Variants in RNF19A observed in about 807,000 individuals in gnomAD.
The protein encoded by RNF19A is E3 ubiquitin-protein ligase RNF19A.
In RNF19A, 32 loss-of-function variants were observed where a neutral mutation model predicts 75.7. The observed-to-expected ratio is 0.42, with a 90% CI of 0.32 to 0.57. The LOEUF (loss-of-function observed/expected upper bound fraction) is 0.57. Ranked by LOEUF, RNF19A falls within the 20% of genes least tolerant of loss-of-function variation. RNF19A has a pLI of 0.10. For synonymous variants in RNF19A, 335 were observed against 345.2 expected (o/e 0.97, Z 0.33); for missense variants, 782 against 1,036.3 (o/e 0.75, Z 3.37).
At chr8:100,309,966 C>A (rs1025746894), upstream of RNF19A, 16 of 985,266 alleles carry the variant, frequency 1.6e-5, no homozygotes, top group Non-Finnish European at 1.8e-5. Context: ...GGGAGGGTCC[C>A]TCCGATGCGC....
intron 3 of RNF19A, 73 bp downstream of exon 3, chr8:100,274,880 C>A (rs1820427237): frequency 8.2e-7 from 1 of 1,224,974 alleles, no homozygotes; most frequent in East Asian, 2.5e-5. Context: ...AACAGGAATA[C>A]TTAACTTTAA....
At chr8:100,310,156 C>G, upstream of RNF19A, 1 of 985,398 alleles carries the variant, frequency 1.0e-6, no homozygotes, top group South Asian at 4.7e-5. Context: ...TTCTTCCTCC[C>G]GCCCCCGGCC....
intron 3 of RNF19A, 41 bp from the exon 4 acceptor site, chr8:100,270,054 G>A: frequency 6.9e-7 from 1 of 1,443,722 alleles, no homozygotes; most frequent in Non-Finnish European, 9.2e-7. Flanking sequence ...ACATAAAACT[G>A]GTCTAAAAAT....
chr8:100,310,055 G>C, upstream of RNF19A: 1 of 985,590 alleles, frequency 1.0e-6, no homozygotes, highest in Non-Finnish European at 1.2e-6. Context: ...CTCCTCCGCA[G>C]TTGTGGCTCG....
intron 1 of RNF19A, among the ~76,000 whole-genome samples, chr8:100,290,321 C>T (rs562427433): frequency 2.6e-5 from 4 of 152,252 alleles, no homozygotes; most frequent in Admixed American, 6.5e-5. Context: ...AGGCTGGCCT[C>T]GAACTCCTGA....
Position 100,325,648 on chromosome 8 carries a change from G to A in RNF19A, c.-243+10460C>T, listed in dbSNP as rs1822524341. ...ATATCTTGGCCCCATCCCACAGTAG[G>A]GAAGATTGAACACAACTTAACAGAC... On this transcript the variant is annotated intron_variant, in intron 1 of 3. Transcript: ENST00000519527. This position sits in a 1 kb window ranked among gnomAD's most constrained non-coding sequence, Gnocchi z 4.3. 6.6e-6 allele frequency among the ~76,000 whole-genome samples: 1 copy of A among 152,028 alleles called. No homozygotes were observed. Among genetic ancestry groups the A allele is most frequent in the Admixed American group, 6.6e-5 (1 of 15,252 alleles).
At chr8:100,267,302 G>T (rs191383223) in intron 5 of RNF19A, among the ~76,000 whole-genome samples, 1 of 152,006 alleles carries the variant, frequency 6.6e-6, no homozygotes, top group Non-Finnish European at 1.5e-5. Flanking sequence ...CCGAAATATC[G>T]AGGTTGCTGC....
upstream of RNF19A, among the ~76,000 whole-genome samples, chr8:100,311,489 C>T (rs959582690): frequency 6.6e-6 from 1 of 151,882 alleles, no homozygotes; most frequent in Non-Finnish European, 1.5e-5. Context: ...GAGGCCGAGG[C>T]GGGCGGATCA....
At position 100,322,127 on chromosome 8, in the gene RNF19A, C is replaced by A. The variant is rs1369128250; in HGVS notation, c.-242-8755G>T. Among the ~76,000 whole-genome samples, 1 of 152,224 alleles carries A rather than the reference C, an allele frequency of 6.6e-6. No individual in the cohort carries two copies. The highest frequency in any genetic ancestry group is 2.4e-5 in the African/African-American group (1 of 41,456). The stretch of plus-strand genomic sequence containing the variant: ...TAGCCCCTAAGGAGAGAGTCAGCCT[C>A]TCCTTTGAAGCTTTGAAGCCAAGCA... On this transcript the variant is annotated intron_variant, in intron 1 of 3. Transcript: ENST00000519527. The surrounding 1 kb of genome is among the most constrained non-coding windows in gnomAD (Gnocchi z 5.1).
chr8:100,265,732 G>T (rs1202906009), intron 5 of RNF19A, among the ~76,000 whole-genome samples: 3 of 152,198 alleles, frequency 2.0e-5, no homozygotes, highest in African/African-American at 7.2e-5. Context: ...GATGAGTGTT[G>T]TGGAAAACAG....
chr8:100,287,952 T>C lies in RNF19A; in HGVS notation c.223A>G (p.Lys75Glu), dbSNP rs1821104474. 6.2e-7 allele frequency: 1 copy of C among 1,614,078 alleles called. No individual in the cohort carries two copies. Among genetic ancestry groups the C allele is most frequent in the African/African-American group, 1.3e-5 (1 of 74,940 alleles). ...ISIGSLFRRK[K>E]DNKRKSRELN... ...TCCCTTGATTTACGTTTGTTATCTT[T>C]TTTCCTCCGAAACAGGGAGCCTATT... The change falls in exon 2 of 10, where the codon AAA (lysine) becomes GAA (glutamate). Residue 75 changes from lysine to glutamate, a missense_variant. Around this residue, in one of 7 missense-constraint regions of RNF19A, gnomAD observed 148 missense variants for 147.9 expected, o/e 1.00. Transcript: ENST00000341084. The surrounding 1 kb of genome is among the most constrained non-coding windows in gnomAD (Gnocchi z 4.1).
chr8:100,327,985 T>A (rs17338532), intron 1 of RNF19A, among the ~76,000 whole-genome samples: 23,271 of 152,172 alleles, frequency 0.15, 1,875 homozygotes, highest in Middle Eastern at 0.21. Context: ...GCTCTTCAAG[T>A]GTTTGAGGTA....
intron 1 of RNF19A, 131 bp from the exon 2 acceptor site, chr8:100,288,398 A>G: frequency 4.8e-6 from 2 of 416,170 alleles, no homozygotes; most frequent in Non-Finnish European, 7.9e-6. Context: ...TAACAAGGCC[A>G]ATTTATTAAA....
At chr8:100,299,588 T>G (rs770534533) in intron 1 of RNF19A, among the ~76,000 whole-genome samples, 1 of 152,142 alleles carries the variant, frequency 6.6e-6, no homozygotes, top group Non-Finnish European at 1.5e-5. Flanking sequence ...GGTGAAACAC[T>G]GTCTCTACTA....
chr8:100,270,559 G>T (rs1820207491), intron 3 of RNF19A, among the ~76,000 whole-genome samples: 1 of 151,990 alleles, frequency 6.6e-6, no homozygotes, highest in Admixed American at 6.6e-5. Context: ...AGCAAAACAG[G>T]TATCTTTAGA....
chr8:100,295,551 C>T (rs911305519), intron 1 of RNF19A, among the ~76,000 whole-genome samples: 4 of 152,098 alleles, frequency 2.6e-5, no homozygotes, highest in African/African-American at 9.7e-5. Context: ...GCTACATAAA[C>T]GTTCCTAAGG....
chr8:100,258,997 G>A lies in RNF19A; in HGVS notation c.2076C>T (p.Asp692=). 1 of 1,614,182 alleles carries A rather than the reference G, an allele frequency of 6.2e-7. No individual in the cohort carries two copies. The change falls in exon 10 of 10, where the codon GAC becomes GAT. Residue 692 remains aspartate (D), a synonymous_variant. Coordinates refer to ENST00000341084, the MANE Select transcript of RNF19A (RefSeq NM_183419.4). This position sits in a 1 kb window ranked among gnomAD's most constrained non-coding sequence, Gnocchi z 4.3. ...GNMKINETRE[D]MDAQLLEQQS... ...GTTGTTCTAACAACTGTGCATCCAT[G>A]TCCTCTCTCGTCTCATTTATCTTCA...
chr8:100,262,756 T>C (rs1434063709), intron 7 of RNF19A, among the ~76,000 whole-genome samples: 1 of 152,100 alleles, frequency 6.6e-6, no homozygotes, highest in African/African-American at 2.4e-5. Flanking sequence ...TAAGAGGCTA[T>C]TACAATAGCC....
At chr8:100,318,473 T>C (rs1241873788) in intron 1 of RNF19A, among the ~76,000 whole-genome samples, 2 of 152,212 alleles carry the variant, frequency 1.3e-5, no homozygotes, top group African/African-American at 2.4e-5. Flanking sequence ...AAAAAATGTG[T>C]ATGAATACAT....
Sources: gnomAD v4.1 joint callset for allele counts (sites outside exome capture counted in the v4.1 genomes callset) on GRCh38, gnomAD v4.1.1 for gene constraint, gnomAD v4.1.1 regional missense constraint, Gnocchi (gnomAD v3.1) non-coding constraint, MANE v1.5 for transcripts, NCBI Gene and HGNC (gene_info 2026-07-23, HGNC 2026-07-21) for gene names.